CDKL1: variants seen among roughly 807,000 people sequenced by gnomAD.
The protein encoded by CDKL1 is cyclin-dependent kinase-like 1.
A neutral mutation model predicts 42.0 loss-of-function variants in CDKL1; 41 were observed. That is an observed-to-expected ratio of 0.98 (90% confidence interval 0.76 to 1.27). The LOEUF is 1.27. CDKL1 is among the 50% of genes most tolerant of loss of function. The pLI is 0.00. For missense variants in CDKL1, 394 were observed against 428.4 expected (o/e 0.92, Z 0.71); for synonymous variants, 153 against 158.6 (o/e 0.96, Z 0.26).
chr14:50,352,180 T>A lies in CDKL1; in HGVS notation c.290+6848A>T, dbSNP rs920947264. ...TCTGTCTGGTTTTGGCATCAGCATATAGTGGCCTCATAAAATGATTTGGGA... is the reference window on the plus strand; with the variant it reads ...TCTGTCTGGTTTTGGCATCAGCATAAAGTGGCCTCATAAAATGATTTGGGA... On this transcript the variant is annotated intron_variant, in intron 3 of 9. Coordinates refer to ENST00000395834, the MANE Select transcript of CDKL1 (RefSeq NM_004196.7). 8.5e-5 allele frequency among the ~76,000 whole-genome samples: 13 copies of A among 152,340 alleles called. No homozygotes were observed. In the East Asian group the frequency reaches 2.5e-3, roughly 29 times the overall value.
chr14:50,375,728 C>T (rs1055650882), intron 2 of CDKL1, among the ~76,000 whole-genome samples: 3 of 151,738 alleles, frequency 2.0e-5, no homozygotes, highest in Non-Finnish European at 4.4e-5. Context: ...ACCCGGGAGG[C>T]GGAGGTTGTA....
intron 2 of CDKL1, among the ~76,000 whole-genome samples, chr14:50,388,804 A>C (rs1454828185): frequency 6.6e-6 from 1 of 152,096 alleles, no homozygotes; most frequent in African/African-American, 2.4e-5. Context: ...CATGATCAGA[A>C]ACTGAAGTTC....
intron 2 of CDKL1, among the ~76,000 whole-genome samples, chr14:50,381,547 T>C (rs1270059630): frequency 1.3e-5 from 2 of 152,224 alleles, no homozygotes; most frequent in South Asian, 2.1e-4. Flanking sequence ...GCCAGTGATG[T>C]GCACCGTGGA....
chr14:50,382,699 T>A (rs541902387), intron 2 of CDKL1, among the ~76,000 whole-genome samples: 1 of 152,034 alleles, frequency 6.6e-6, no homozygotes, highest in East Asian at 1.9e-4. Flanking sequence ...GCTTAGGTGA[T>A]CCTCCCATGT....
At chr14:50,335,314 AAAAAAAG>A in intron 7 of CDKL1, 1 of 577,556 alleles carries the variant, frequency 1.7e-6, no homozygotes, top group East Asian at 3.0e-5. Context: ...AAAAAAAAAA[AAAAAAAG>A]GCAGCTCTAA....
At chr14:50,347,818 G>A (rs775133766) in intron 3 of CDKL1, among the ~76,000 whole-genome samples, 2 of 152,164 alleles carry the variant, frequency 1.3e-5, no homozygotes, top group Non-Finnish European at 2.9e-5. Flanking sequence ...AGCTCGGAAG[G>A]AAGCTGTGAG....
At chr14:50,395,638 G>C in intron 2 of CDKL1, 63 bp downstream of exon 2, 2 of 1,171,552 alleles carry the variant, frequency 1.7e-6, no homozygotes, top group Non-Finnish European at 2.5e-6. Flanking sequence ...CTGCACTCCA[G>C]CCTGGGAGAC....
rs530843463 is a variant in CDKL1 at position 50,380,262 on chromosome 14, G to A, written c.168+15439C>T. ...ATCCCAGGAGAAAATGCAGTGATGA[G>A]TACCACCATCAAAGACTTAGGAATG... On this transcript the variant is annotated intron_variant, in intron 2 of 9. Coordinates refer to ENST00000395834, the MANE Select transcript of CDKL1 (RefSeq NM_004196.7). 57 of 529,456 alleles carry A rather than the reference G, an allele frequency of 1.1e-4. 1 individual carries two copies. The highest frequency in any genetic ancestry group is 9.5e-4 in the Middle Eastern group (3 of 3,142). 32.8% of individuals were successfully genotyped at this position (529,456 alleles called of 1,614,324 possible).
chr14:50,395,029 C>G (rs142860306), intron 2 of CDKL1, among the ~76,000 whole-genome samples: 1 of 152,114 alleles, frequency 6.6e-6, no homozygotes, highest in Admixed American at 6.5e-5. Flanking sequence ...AAAAACGCTT[C>G]TTTTTAGAAA....
rs567360601 is a variant in CDKL1, at chr14:50,329,653, C to G, written c.*421G>C. 1.3e-5 allele frequency: 2 copies of G among 156,780 alleles called. No individual in the cohort carries two copies. Among genetic ancestry groups the G allele is most frequent in the East Asian group, 3.8e-4 (2 of 5,222 alleles). 9.7% of individuals were successfully genotyped at this position (156,780 alleles called of 1,614,324 possible). A position where few individuals can be genotyped will look rare whatever the true frequency, so the allele number is the denominator to read the frequency against. ...ATCTTAAATATGATGCTGAAACAATCTGAGAGGCAGGAGATAGGACTCAGG... is the reference window on the plus strand; with the variant it reads ...ATCTTAAATATGATGCTGAAACAATGTGAGAGGCAGGAGATAGGACTCAGG... On this transcript the variant is annotated 3_prime_UTR_variant, in exon 10 of 10. Transcript: ENST00000395834.
chr14:50,360,825 T>TGTGTGA (rs1555341845), intron 2 of CDKL1, among the ~76,000 whole-genome samples: 2 of 149,050 alleles, frequency 1.3e-5, no homozygotes, highest in African/African-American at 2.5e-5. Flanking sequence ...TGTGTGTGTG[T>TGTGTGA]GATTGGCTTA....
At chr14:50,360,786 TTGTGTGTGTGTGTGTGTGTGTG>T (rs58307197) in intron 2 of CDKL1, among the ~76,000 whole-genome samples, 1 of 144,604 alleles carries the variant, frequency 6.9e-6, no homozygotes, top group Non-Finnish European at 1.5e-5. Flanking sequence ...GTGTGTGTGT[TTGTGTGTGTGTGTGTGTGTGTG>T]TGTGTGTGTG....
At chr14:50,358,899 C>G in intron 3 of CDKL1, 129 bp downstream of exon 3, 2 of 863,440 alleles carry the variant, frequency 2.3e-6, no homozygotes, top group South Asian at 3.6e-5. Flanking sequence ...CTAGGCCTCC[C>G]AAAGTGCTGG....
intron 1 of CDKL1, 149 bp downstream of exon 1, chr14:50,396,675 A>C (rs898153755): frequency 6.0e-6 from 1 of 166,634 alleles, no homozygotes; most frequent in Non-Finnish European, 1.2e-5. Context: ...TGGCCGCAGG[A>C]GACCAACCCG....
rs748724834 is a variant in CDKL1, at chr14:50,329,016, T to C, written c.*1058A>G. The C allele has an allele frequency of 1.6e-4, 23 of 145,042 alleles. No individual in the cohort carries two copies. Among genetic ancestry groups the C allele is most frequent in the Non-Finnish European group, 3.3e-4 (22 of 67,012 alleles). The allele number at this position is 145,042 out of a possible 1,614,324, so 9.0% of individuals were successfully genotyped here. ...CAATACTTTGGACTACTTAGTGTAATATATTAGTTGTTAGAATAGCATATA... is the reference window on the plus strand; with the variant it reads ...CAATACTTTGGACTACTTAGTGTAACATATTAGTTGTTAGAATAGCATATA... On this transcript the variant is annotated 3_prime_UTR_variant, in exon 10 of 10. Coordinates refer to ENST00000395834, the MANE Select transcript of CDKL1 (RefSeq NM_004196.7).
In CDKL1 at chr14:50,391,171, C is replaced by T. The variant is rs571366109; in HGVS notation, c.168+4530G>A. The stretch of plus-strand genomic sequence containing the variant: ...TTTAACGTGATTTTCTTCCTGTTAC[C>T]TTGTCTTTCTCTGTAATCTGACTTC... On this transcript the variant is annotated intron_variant, in intron 2 of 9. Transcript: ENST00000395834. Among the ~76,000 whole-genome samples the T allele has an allele frequency of 4.5e-4, 69 of 152,114 alleles. No individual in the cohort carries two copies. The South Asian group carries it at 0.013, about 28-fold the overall frequency.
intron 3 of CDKL1, chr14:50,358,137 T>G: frequency 7.4e-7 from 1 of 1,343,120 alleles, no homozygotes; most frequent in Non-Finnish European, 9.9e-7. Flanking sequence ...ACAAAGATGT[T>G]GCATATGCTA....
At chr14:50,364,252 T>C (rs112529774) in intron 2 of CDKL1, among the ~76,000 whole-genome samples, 3,135 of 152,322 alleles carry the variant, frequency 0.021, 115 homozygotes, top group African/African-American at 0.07. Flanking sequence ...GGCGGATGCC[T>C]GAGTTTAGGA....
chr14:50,354,490 T>C (rs182033016), intron 3 of CDKL1, among the ~76,000 whole-genome samples: 2 of 152,248 alleles, frequency 1.3e-5, no homozygotes, highest in East Asian at 3.9e-4. Context: ...GCTGAACATA[T>C]AGGTAGGCAG....
Sources: gnomAD v4.1 joint callset for allele counts (sites outside exome capture counted in the v4.1 genomes callset) on GRCh38, gnomAD v4.1.1 for gene constraint, MANE v1.5 for transcripts, NCBI Gene and HGNC (gene_info 2026-07-23, HGNC 2026-07-21) for gene names.